RCBTB1: variants seen among roughly 807,000 people sequenced by gnomAD.
The protein encoded by RCBTB1 is RCC1 and BTB domain containing protein 1, also known as RCC1 and BTB domain-containing protein 1.
A neutral mutation model predicts 62.4 loss-of-function variants in RCBTB1; 46 were observed. The ratio of observed to expected loss-of-function variants is 0.74; its 90% CI spans 0.58 to 0.94. RCBTB1 has a LOEUF of 0.94. RCBTB1 is among the 40% of genes least tolerant of loss of function. The pLI, the probability that RCBTB1 is intolerant of heterozygous loss-of-function variation, is 0.00. For missense variants in RCBTB1, 565 were observed against 654.9 expected (o/e 0.86, Z 1.50); for synonymous variants, 222 against 245.8 (o/e 0.90, Z 0.91).
At chr13:49,541,540 A>T in intron 11 of RCBTB1, 136 bp downstream of exon 11, 1 of 763,794 alleles carries the variant, frequency 1.3e-6, no homozygotes, top group South Asian at 2.6e-5. Flanking sequence ...CTACTTTTAA[A>T]GATACTTACT....
chr13:49,549,892 C>G (rs546537281), intron 8 of RCBTB1: 1 of 985,150 alleles, frequency 1.0e-6, no homozygotes, highest in African/African-American at 1.7e-5. Context: ...CACAGACCGC[C>G]GAGGAAAACT....
chr13:49,540,738 T>A (rs946771321), intron 12 of RCBTB1, 138 bp downstream of exon 12: 6 of 860,360 alleles, frequency 7.0e-6, no homozygotes, highest in Non-Finnish European at 1.0e-5. Context: ...AGGGCAGATT[T>A]CAGTTTTCAA....
At chr13:49,562,895 G>C (rs971660125) in intron 4 of RCBTB1, among the ~76,000 whole-genome samples, 26 of 148,600 alleles carry the variant, frequency 1.7e-4, no homozygotes, top group African/African-American at 6.2e-4. Flanking sequence ...AAAGTGCTGG[G>C]ATTACAGGCA....
At chr13:49,544,953 G>A in intron 9 of RCBTB1, 90 bp from the exon 10 acceptor site, 1 of 1,020,256 alleles carries the variant, frequency 9.8e-7, no homozygotes, top group Non-Finnish European at 1.4e-6. Context: ...TGACCGTGAT[G>A]GATAATTCCA....
At chr13:49,577,956 G>T (rs1210257603) in intron 2 of RCBTB1, among the ~76,000 whole-genome samples, 1 of 152,166 alleles carries the variant, frequency 6.6e-6, no homozygotes, top group African/African-American at 2.4e-5. Flanking sequence ...AATGGGTGAT[G>T]ATTTTATTTA....
intron 9 of RCBTB1, among the ~76,000 whole-genome samples, chr13:49,547,429 T>G (rs1960893539): frequency 6.6e-6 from 1 of 152,156 alleles, no homozygotes; most frequent in Non-Finnish European, 1.5e-5. Flanking sequence ...ACATTAATTT[T>G]CAAGCACAGA....
intron 12 of RCBTB1, among the ~76,000 whole-genome samples, chr13:49,534,999 A>G (rs1381821108): frequency 6.9e-6 from 1 of 144,304 alleles, no homozygotes; most frequent in African/African-American, 2.7e-5. Flanking sequence ...GCACCACTGC[A>G]CTCTAGCCTG....
At position 49,549,552 on chromosome 13, in the gene RCBTB1, G is replaced by A. The variant is rs3751382; in HGVS notation, c.951C>T (p.Ser317=). 4.3e-3 allele frequency: 6,900 copies of A among 1,613,922 alleles called. 27 individuals are homozygous for A. Among genetic ancestry groups the A allele is most frequent in the Middle Eastern group, 5.6e-3 (34 of 6,062 alleles). The change falls in exon 9 of 13, where the codon TCC becomes TCT. Residue 317 remains serine, a synonymous_variant. Coordinates refer to ENST00000378302, the MANE Select transcript of RCBTB1 (RefSeq NM_018191.4). ...VYMWGQCRGQ[S]VILPHLTHFS... ...AGTGGGTGAGGTGCGGGAGGATCACGGACTGACCCCGGCACTGGCCCCACA... is the reference window on the plus strand; with the variant it reads ...AGTGGGTGAGGTGCGGGAGGATCACAGACTGACCCCGGCACTGGCCCCACA...
Position 49,541,735 on chromosome 13 carries a change from C to T in RCBTB1, c.1265G>A (p.Arg422His), listed in dbSNP as rs552942778. ...EIDQFSYPVY[R>H]AFLQYLYTDT... Reference sequence around the variant, plus strand: ...TGTGTAGAGGTACTGGAGAAAGGCACGATACACTGGGTAAGAAAACTGATC... The same window carrying T: ...TGTGTAGAGGTACTGGAGAAAGGCATGATACACTGGGTAAGAAAACTGATC... The change falls in exon 11 of 13, where the codon CGT (arginine) becomes CAT (histidine). Residue 422 changes from arginine to histidine, a missense_variant. Transcript: ENST00000378302. 1.6e-5 allele frequency: 26 copies of T among 1,613,866 alleles called. No individual in the cohort carries two copies. Among genetic ancestry groups the T allele is most frequent in the Middle Eastern group, 1.6e-4 (1 of 6,084 alleles).
Position 49,533,879 on chromosome 13 carries a change from G to A in RCBTB1, c.*243C>T. On this transcript the variant is annotated 3_prime_UTR_variant, in exon 13 of 13. Transcript: ENST00000378302. Reference sequence around the variant, plus strand: ...AACTTTCACCCTTTTACATGTTCCAGCCCAAATTTACGAAAGGTCACATTT... The same window carrying A: ...AACTTTCACCCTTTTACATGTTCCAACCCAAATTTACGAAAGGTCACATTT... 1 of 353,036 alleles carries A rather than the reference G, an allele frequency of 2.8e-6. No homozygotes were observed. Among genetic ancestry groups the A allele is most frequent in the South Asian group, 8.5e-5 (1 of 11,718 alleles). 21.9% of individuals were successfully genotyped at this position (353,036 alleles called of 1,614,324 possible). A position where few individuals can be genotyped will look rare whatever the true frequency, so the allele number is the denominator to read the frequency against.
Position 49,549,515 on chromosome 13 carries a change from C to T in RCBTB1, c.988G>A (p.Asp330Asn), listed in dbSNP as rs1188065082. Reference protein sequence around the residue: ...LPHLTHFSCTDDVFACFATPA... With the variant: ...LPHLTHFSCTNDVFACFATPA... Reference sequence around the variant, plus strand: ...GTGGCAAAGCAGGCAAACACGTCGTCGGTGCAGGAGAAGTGGGTGAGGTGC... The same window carrying T: ...GTGGCAAAGCAGGCAAACACGTCGTTGGTGCAGGAGAAGTGGGTGAGGTGC... Residue 330 changes from aspartate (D) to asparagine (N), a missense_variant, in exon 9 of 13, where the codon GAC (aspartate) becomes AAC (asparagine). Coordinates refer to ENST00000378302, the MANE Select transcript of RCBTB1 (RefSeq NM_018191.4). 21 of 1,613,488 alleles carry T rather than the reference C, an allele frequency of 1.3e-5. No homozygotes were observed. The highest frequency in any genetic ancestry group is 2.2e-5 in the East Asian group (1 of 44,830).
At chr13:49,575,434 C>CA (rs34972735) in intron 2 of RCBTB1, among the ~76,000 whole-genome samples, 24,896 of 141,264 alleles carry the variant, frequency 0.18, 2,300 homozygotes, top group South Asian at 0.27. Context: ...ATTGTTCTAC[C>CA]AAAAAAAAAA....
rs544307831 is a variant in RCBTB1 at position 49,533,491 on chromosome 13, A to G, written c.*631T>C. 1.4e-3 allele frequency: 207 copies of G among 152,336 alleles called. 1 individual carries two copies. Among genetic ancestry groups the G allele is most frequent in the African/African-American group, 4.4e-3 (184 of 41,578 alleles). The allele number at this position is 152,336 out of a possible 1,614,324, so 9.4% of individuals were successfully genotyped here. A position where few individuals can be genotyped will look rare whatever the true frequency, so the allele number is the denominator to read the frequency against. ...TAAGAGAAATCTTGACTAACCTAGA[A>G]TATTTATCTTTACATAATTATCATT... On this transcript the variant is annotated 3_prime_UTR_variant, in exon 13 of 13. Transcript: ENST00000378302.
intron 12 of RCBTB1, among the ~76,000 whole-genome samples, chr13:49,535,718 C>T (rs1272032103): frequency 6.6e-6 from 1 of 152,114 alleles, no homozygotes; most frequent in Admixed American, 6.6e-5. Flanking sequence ...CATCCAGTCA[C>T]ATAACCATTA....
At chr13:49,581,320 C>G (rs1337698548) in intron 1 of RCBTB1, among the ~76,000 whole-genome samples, 1 of 152,196 alleles carries the variant, frequency 6.6e-6, no homozygotes, top group African/African-American at 2.4e-5. Flanking sequence ...GATTCTGCAA[C>G]TGGCTGAATG....
intron 9 of RCBTB1, chr13:49,547,145 C>T (rs1264389152): frequency 1.6e-6 from 2 of 1,265,898 alleles, no homozygotes; most frequent in Non-Finnish European, 2.1e-6. Context: ...ATTCAGTGAA[C>T]CAATTATTTT....
rs1016492458 is a variant in RCBTB1, at chr13:49,532,331, C to A, written c.*1791G>T. The stretch of plus-strand genomic sequence containing the variant: ...GGTAAATATTTGTTGAATGAATGAA[C>A]TATCTATGGATATGAATTTACTACT... On this transcript the variant is annotated 3_prime_UTR_variant, in exon 13 of 13. Transcript: ENST00000378302. The A allele has an allele frequency of 3.7e-4, 56 of 152,552 alleles. No individual in the cohort carries two copies. Among genetic ancestry groups the A allele is most frequent in the Non-Finnish European group, 7.1e-4 (48 of 68,036 alleles). 9.4% of individuals were successfully genotyped at this position (152,552 alleles called of 1,614,324 possible). A position where few individuals can be genotyped will look rare whatever the true frequency, so the allele number is the denominator to read the frequency against.
At chr13:49,535,788 G>A (rs1959891504) in intron 12 of RCBTB1, among the ~76,000 whole-genome samples, 1 of 152,108 alleles carries the variant, frequency 6.6e-6, no homozygotes, top group Non-Finnish European at 1.5e-5. Context: ...ACTTTGGGAG[G>A]CTGATGCGGG....
At position 49,549,473 on chromosome 13, in the gene RCBTB1, G is replaced by A. The variant is rs750786096; in HGVS notation, c.1030C>T (p.Arg344Cys). Residue 344 changes from arginine (R) to cysteine (C), a missense_variant, in exon 9 of 13, where the codon CGC (arginine) becomes TGC (cysteine). Physicochemically the swap from Arg to Cys is radical, Grantham distance 180 (BLOSUM62 -3). Coordinates refer to ENST00000378302, the MANE Select transcript of RCBTB1 (RefSeq NM_018191.4). ...ACTTTCTTACCCACAGACAGGAGGC[G>A]CCACGAGACGGCGGGAGTGGCAAAG... ...ACFATPAVSWRLLSVEHEDFL... is the reference protein window; with the variant it reads ...ACFATPAVSWCLLSVEHEDFL... 10 of 1,610,406 alleles carry A rather than the reference G, an allele frequency of 6.2e-6. No individual in the cohort carries two copies. Among genetic ancestry groups the A allele is most frequent in the Non-Finnish European group, 6.8e-6 (8 of 1,177,234 alleles).
Sources: allele counts gnomAD v4.1 joint callset (sites outside exome capture counted in the v4.1 genomes callset), GRCh38; gene constraint gnomAD v4.1.1; transcripts MANE v1.5; gene names NCBI Gene and HGNC (gene_info 2026-07-23, HGNC 2026-07-21).